Variants in TLN2 observed in about 807,000 individuals in gnomAD.
TLN2 encodes the protein talin 2.
TLN2 carries 118 observed loss-of-function variants against 294.7 expected under a neutral mutation model. The ratio of observed to expected loss-of-function variants is 0.40; its 90% CI spans 0.34 to 0.47. The LOEUF is 0.47. Ranked by LOEUF, TLN2 falls within the 20% of genes least tolerant of loss-of-function variation. The pLI, the probability that TLN2 is intolerant of heterozygous loss-of-function variation, is 0.84. For synonymous variants in TLN2, 1,431 were observed against 1,304.5 expected (o/e 1.10, Z -2.09); for missense variants, 3,083 against 3,282.2 (o/e 0.94, Z 1.48).
At chr15:62,417,429 G>T (rs1347202388) in intron 1 of TLN2, among the ~76,000 whole-genome samples, 1 of 152,160 alleles carries the variant, frequency 6.6e-6, no homozygotes, top group Non-Finnish European at 1.5e-5. Context: ...GCCAGAAGCA[G>T]CTTAGAAAAT....
intron 1 of TLN2, among the ~76,000 whole-genome samples, chr15:62,404,316 C>G (rs576924158): frequency 2.2e-4 from 33 of 152,298 alleles, no homozygotes; most frequent in Middle Eastern, 3.4e-3. Flanking sequence ...AAGCAGTCTA[C>G]TTGGCAACTT....
At chr15:62,562,268 T>A (rs1283744311) in intron 1 of TLN2, among the ~76,000 whole-genome samples, 1 of 152,236 alleles carries the variant, frequency 6.6e-6, no homozygotes, top group African/African-American at 2.4e-5. Context: ...TGTATCTTGC[T>A]GCCTTGTCTC....
intron 3 of TLN2, among the ~76,000 whole-genome samples, chr15:62,643,147 A>G (rs998248180): frequency 6.6e-6 from 1 of 152,172 alleles, no homozygotes; most frequent in Admixed American, 6.5e-5. Context: ...TAAATCCCAT[A>G]TGACTGGGTT....
At chr15:62,738,377 T>C in intron 30 of TLN2, 44 bp downstream of exon 30, 1 of 1,608,402 alleles carries the variant, frequency 6.2e-7, no homozygotes, top group Non-Finnish European at 8.5e-7. Context: ...GGGACTAGGC[T>C]CGCGTTAGGT....
At chr15:62,476,830 T>C (rs1355468428) in intron 1 of TLN2, among the ~76,000 whole-genome samples, 1 of 152,224 alleles carries the variant, frequency 6.6e-6, no homozygotes, top group Non-Finnish European at 1.5e-5. Flanking sequence ...GCCTGGCATG[T>C]ACCTTCTCAT....
intron 1 of TLN2, among the ~76,000 whole-genome samples, chr15:62,543,751 C>G (rs375234700): frequency 0.011 from 1,279 of 115,548 alleles, 26 homozygotes; most frequent in African/African-American, 0.045. Flanking sequence ...AAGATTCTGT[C>G]TCAAAAAAAA....
At chr15:62,677,494 A>G (rs952764554) in intron 11 of TLN2, among the ~76,000 whole-genome samples, 3 of 152,220 alleles carry the variant, frequency 2.0e-5, no homozygotes, top group African/African-American at 7.2e-5. Flanking sequence ...AATTGTAGAA[A>G]AAATAAATTT....
At chr15:62,495,602 A>AT (rs2038974358) in intron 1 of TLN2, among the ~76,000 whole-genome samples, 2 of 152,242 alleles carry the variant, frequency 1.3e-5, no homozygotes, top group Non-Finnish European at 2.9e-5. Context: ...ATGGAACAGA[A>AT]TTTTTTGAAG....
At chr15:62,643,819 C>G (rs868852803) in intron 3 of TLN2, among the ~76,000 whole-genome samples, 1 of 152,100 alleles carries the variant, frequency 6.6e-6, no homozygotes, top group Non-Finnish European at 1.5e-5. Flanking sequence ...CTTAGCCACT[C>G]ACCTTCTCCG....
intron 43 of TLN2, 46 bp downstream of exon 43, chr15:62,776,956 C>G (rs1192207492): frequency 7.2e-7 from 1 of 1,394,650 alleles, no homozygotes; most frequent in Non-Finnish European, 9.4e-7. Context: ...CTCCCTCACC[C>G]ATGGGCCTCG....
At chr15:62,801,053 C>G (rs921643178) in intron 50 of TLN2, among the ~76,000 whole-genome samples, 1 of 152,192 alleles carries the variant, frequency 6.6e-6, no homozygotes, top group Admixed American at 6.5e-5. Context: ...AAAGCATTGT[C>G]AAAGATTCCT....
At chr15:62,716,261 A>C in intron 22 of TLN2, 70 bp from the exon 23 acceptor site, 1 of 1,392,044 alleles carries the variant, frequency 7.2e-7, no homozygotes, top group Admixed American at 3.0e-5. Flanking sequence ...AAGAAAAAAT[A>C]ATACTGAAGG....
intron 1 of TLN2, among the ~76,000 whole-genome samples, chr15:62,581,125 C>T (rs1485342278): frequency 6.6e-6 from 1 of 152,160 alleles, no homozygotes; most frequent in East Asian, 1.9e-4. Flanking sequence ...AGTGATCCGC[C>T]TGCCTTGGCC....
At chr15:62,619,189 G>C (rs1403179586) in intron 3 of TLN2, among the ~76,000 whole-genome samples, 1 of 152,164 alleles carries the variant, frequency 6.6e-6, no homozygotes, top group East Asian at 1.9e-4. Context: ...GAGGTGAAAG[G>C]AGGGAGGCAG....
rs190958405 is a variant in TLN2 at position 62,694,212 on chromosome 15, A to G, written c.1216-104A>G. ...GGTTTGTCTCGAACTCCTGACCTCA[A>G]GTGATCCGCCCGTCTCAGCCTCCCA... On this transcript the variant is annotated intron_variant, in intron 13 of 58. Coordinates refer to ENST00000636159, the MANE Select transcript of TLN2 (RefSeq NM_015059.3). 9 of 942,580 alleles carry G rather than the reference A, an allele frequency of 9.5e-6. No homozygotes were observed. The East Asian group carries it at 2.3e-4, about 24-fold the overall frequency. The allele number at this position is 942,580 out of a possible 1,614,324, so 58.4% of individuals were successfully genotyped here. A position where few individuals can be genotyped will look rare whatever the true frequency, so the allele number is the denominator to read the frequency against.
intron 1 of TLN2, among the ~76,000 whole-genome samples, chr15:62,525,898 T>C (rs1313271767): frequency 6.6e-6 from 1 of 152,072 alleles, no homozygotes; most frequent in Non-Finnish European, 1.5e-5. Context: ...CTCTTGGCAG[T>C]GTGCTGTGGG....
chr15:62,473,858 C>T (rs2037630085), intron 1 of TLN2, among the ~76,000 whole-genome samples: 1 of 152,176 alleles, frequency 6.6e-6, no homozygotes, highest in South Asian at 2.1e-4. Context: ...CTTTGGGAGG[C>T]CGAGGCAGGT....
chr15:62,573,328 G>A (rs1053996921), intron 1 of TLN2, among the ~76,000 whole-genome samples: 5 of 152,042 alleles, frequency 3.3e-5, no homozygotes, highest in Non-Finnish European at 7.4e-5. Context: ...GGGGAATGCA[G>A]GTGTTGTGCC....
At chr15:62,786,598 G>C (rs1289386033) in intron 45 of TLN2, among the ~76,000 whole-genome samples, 1 of 152,176 alleles carries the variant, frequency 6.6e-6, no homozygotes. Flanking sequence ...CAACAGCTTT[G>C]TCTCTGAGGA....
Sources: allele counts gnomAD v4.1 joint callset (sites outside exome capture counted in the v4.1 genomes callset), GRCh38; gene constraint gnomAD v4.1.1; transcripts MANE v1.5; gene names NCBI Gene and HGNC (gene_info 2026-07-23, HGNC 2026-07-21).